The following ZNF618 variants were observed in gnomAD, a reference collection of about 807,000 sequenced individuals.
ZNF618 encodes the protein neural precursor cell expressed, developmentally down-regulated 10.
ZNF618 carries 34 observed loss-of-function variants against 103.0 expected under a neutral mutation model. The ratio of observed to expected loss-of-function variants is 0.33; its 90% CI spans 0.25 to 0.44. The LOEUF (loss-of-function observed/expected upper bound fraction) is 0.44, where lower values mean the gene tolerates loss of function less well. ZNF618 is among the 20% of genes least tolerant of loss of function. The pLI is 1.00. For synonymous variants in ZNF618, 551 were observed against 542.2 expected (o/e 1.02, Z -0.23); for missense variants, 1,059 against 1,295.4 (o/e 0.82, Z 2.80).
rs1449457007 is a variant in ZNF618, at chr9:114,050,203, A to T, written c.*36A>T. 6.6e-7 allele frequency: 1 copy of T among 1,508,754 alleles called. No homozygotes were observed. The highest frequency in any genetic ancestry group is 8.8e-7 in the Non-Finnish European group (1 of 1,137,488). The allele number at this position is 1,508,754 out of a possible 1,614,324, so 93.5% of individuals were successfully genotyped here. ...CGGGGGAAAAAAAAAGAAAAAGAGA[A>T]GATAACATTAGAAAAAAACCACACA... On this transcript the variant is annotated 3_prime_UTR_variant, in exon 15 of 15. Transcript: ENST00000374126.
chr9:114,013,522 C>T (rs1468386448), intron 9 of ZNF618, among the ~76,000 whole-genome samples: 1 of 152,224 alleles, frequency 6.6e-6, no homozygotes, highest in Non-Finnish European at 1.5e-5. Context: ...GCTCCGCCTC[C>T]TGGGTTCACA....
At chr9:113,970,725 C>T (rs1318334548) in intron 2 of ZNF618, among the ~76,000 whole-genome samples, 2 of 151,870 alleles carry the variant, frequency 1.3e-5, no homozygotes, top group African/African-American at 4.8e-5. Context: ...CCCTGACCCT[C>T]CGTATCAAGG....
At chr9:114,036,470 G>T in intron 13 of ZNF618, 93 bp downstream of exon 13, 2 of 1,337,398 alleles carry the variant, frequency 1.5e-6, no homozygotes, top group Non-Finnish European at 1.0e-6. Context: ...CCTGGAGAAG[G>T]CCGCTCTTTC....
intron 6 of ZNF618, among the ~76,000 whole-genome samples, chr9:114,006,551 C>G (rs1395121255): frequency 6.6e-6 from 1 of 152,200 alleles, no homozygotes; most frequent in African/African-American, 2.4e-5. Flanking sequence ...AGGGGATCAT[C>G]CAAACTCCAA....
chr9:113,878,692 C>A (rs1828197617), intron 1 of ZNF618, among the ~76,000 whole-genome samples: 1 of 152,100 alleles, frequency 6.6e-6, no homozygotes, highest in Non-Finnish European at 1.5e-5. Flanking sequence ...AGGGCGGGAT[C>A]TTGGAGGGAC....
chr9:114,021,983 G>C (rs1843108702), intron 10 of ZNF618, among the ~76,000 whole-genome samples: 1 of 152,052 alleles, frequency 6.6e-6, no homozygotes, highest in African/African-American at 2.4e-5. Context: ...CAATTACTTT[G>C]TTCATTTATG....
intron 2 of ZNF618, among the ~76,000 whole-genome samples, chr9:113,978,775 G>GTCAC (rs1183210913): frequency 6.6e-6 from 1 of 152,180 alleles, no homozygotes; most frequent in Non-Finnish European, 1.5e-5. Flanking sequence ...ACTGTGAAAA[G>GTCAC]TCACTCTGTT....
intron 1 of ZNF618, among the ~76,000 whole-genome samples, chr9:113,954,180 G>T (rs1432559965): frequency 6.6e-6 from 1 of 152,130 alleles, no homozygotes; most frequent in East Asian, 1.9e-4. Flanking sequence ...CCTTGAATGT[G>T]GAAAGTTCTA....
intron 1 of ZNF618, among the ~76,000 whole-genome samples, chr9:113,961,226 C>G (rs1038020094): frequency 2.0e-5 from 3 of 152,188 alleles, no homozygotes; most frequent in Admixed American, 6.5e-5. Flanking sequence ...AGACTTTTCC[C>G]TTCAGAGCAC....
intron 3 of ZNF618, among the ~76,000 whole-genome samples, chr9:113,991,055 A>T (rs943348439): frequency 1.3e-5 from 2 of 152,204 alleles, no homozygotes; most frequent in Non-Finnish European, 2.9e-5. Context: ...GGATGGTTGA[A>T]TCTGAATCCT....
intron 2 of ZNF618, among the ~76,000 whole-genome samples, chr9:113,980,594 C>T (rs561113804): frequency 6.6e-6 from 1 of 152,168 alleles, no homozygotes; most frequent in African/African-American, 2.4e-5. Context: ...AATAAAAGTA[C>T]AAGTCTCCAT....
chr9:113,889,593 C>G lies in ZNF618; in HGVS notation c.33+13180C>G, dbSNP rs373623116. On this transcript the variant is annotated intron_variant, in intron 1 of 14. Coordinates refer to ENST00000374126, the MANE Select transcript of ZNF618 (RefSeq NM_001318042.2). ...AGGGCAGGACATCAACTCCATCTGT[C>G]TATGGAGGCGTGTCAGCTTTACATT... 2.6e-4 allele frequency among the ~76,000 whole-genome samples: 40 copies of G among 152,350 alleles called. No homozygotes were observed. In the South Asian group the frequency reaches 8.1e-3, roughly 31 times the overall value.
chr9:113,947,284 T>G (rs1275697862), intron 1 of ZNF618, among the ~76,000 whole-genome samples: 3 of 152,160 alleles, frequency 2.0e-5, no homozygotes, highest in African/African-American at 7.2e-5. Flanking sequence ...GAGCAAGATA[T>G]TTAATCTCAG....
chr9:113,988,357 G>C lies in ZNF618; in HGVS notation c.114G>C (p.Val38=). 1.2e-6 allele frequency: 2 copies of C among 1,613,290 alleles called. No homozygotes were observed. Among genetic ancestry groups the C allele is most frequent in the Non-Finnish European group, 1.7e-6 (2 of 1,179,832 alleles). ...RLKRSQKSTK[V]EGPEPVPAEA... Reference sequence around the variant, plus strand: ...AGCGCAGCCAGAAGAGCACCAAGGTGGAGGGCCCAGAGCCAGTGCCAGCCG... The same window carrying C: ...AGCGCAGCCAGAAGAGCACCAAGGTCGAGGGCCCAGAGCCAGTGCCAGCCG... The change falls in exon 3 of 15, where the codon GTG becomes GTC. Residue 38 remains valine, a synonymous_variant. Coordinates refer to ENST00000374126, the MANE Select transcript of ZNF618 (RefSeq NM_001318042.2).
At chr9:114,005,398 C>G (rs1841647998) in intron 6 of ZNF618, among the ~76,000 whole-genome samples, 2 of 152,210 alleles carry the variant, frequency 1.3e-5, no homozygotes, top group East Asian at 1.9e-4. Context: ...AGCGGGCTCC[C>G]CATCCATGTC....
rs200395252 is a variant in ZNF618 at position 114,050,434 on chromosome 9, G to GCACACA, written c.*269_*274dup. The GCACACA allele has an allele frequency of 2.9e-4, 92 of 316,774 alleles. 3 individuals are homozygous for GCACACA. The South Asian group carries it at 3.9e-3, about 13-fold the overall frequency. 19.6% of individuals were successfully genotyped at this position (316,774 alleles called of 1,614,324 possible). A position where few individuals can be genotyped will look rare whatever the true frequency, so the allele number is the denominator to read the frequency against. ...TCATCTCCATGGCCAGAGAAACTTT[G>GCACACA]CACACACGCACACACACACACACAC... On this transcript the variant is annotated 3_prime_UTR_variant, in exon 15 of 15. Coordinates refer to ENST00000374126, the MANE Select transcript of ZNF618 (RefSeq NM_001318042.2).
chr9:113,983,078 AAATAG>A (rs1415834834), intron 2 of ZNF618, among the ~76,000 whole-genome samples: 1 of 152,246 alleles, frequency 6.6e-6, no homozygotes, highest in Non-Finnish European at 1.5e-5. Flanking sequence ...ACAGCGACAC[AAATAG>A]AATAGATTAT....
chr9:113,889,034 C>T (rs1008997471), intron 1 of ZNF618, among the ~76,000 whole-genome samples: 1 of 152,176 alleles, frequency 6.6e-6, no homozygotes, highest in African/African-American at 2.4e-5. Context: ...CACCCACATA[C>T]ACTCACCTCA....
chr9:114,001,447 T>A (rs1359427114), intron 4 of ZNF618, among the ~76,000 whole-genome samples: 5 of 152,102 alleles, frequency 3.3e-5, no homozygotes, highest in Admixed American at 3.3e-4. Context: ...GTGCATGTGG[T>A]CCCATTCTGC....
Sources: gnomAD v4.1 joint callset for allele counts (sites outside exome capture counted in the v4.1 genomes callset) on GRCh38, gnomAD v4.1.1 for gene constraint, MANE v1.5 for transcripts, NCBI Gene and HGNC (gene_info 2026-07-23, HGNC 2026-07-21) for gene names.